Variants in NCOA1 observed in about 807,000 individuals in gnomAD.
NCOA1 encodes Hin-2 protein.
NCOA1 carries 35 observed loss-of-function variants against 150.9 expected under a neutral mutation model. The ratio of observed to expected loss-of-function variants is 0.23; its 90% CI spans 0.18 to 0.31. The LOEUF (loss-of-function observed/expected upper bound fraction) is 0.31. Among genes scored for constraint, NCOA1 ranks in the 10% least tolerant of loss-of-function variants. The pLI is 1.00. For synonymous variants in NCOA1, 590 were observed against 630.0 expected (o/e 0.94, Z 0.95); for missense variants, 1,491 against 1,749.3 (o/e 0.85, Z 2.63).
At chr2:24,639,893 A>C (rs1340219719) in intron 3 of NCOA1, among the ~76,000 whole-genome samples, 1 of 118,268 alleles carries the variant, frequency 8.5e-6, no homozygotes, top group Non-Finnish European at 1.7e-5. Flanking sequence ...GTCTCAAAAA[A>C]AAAAAAAAAA....
chr2:24,638,779 CT>C, intron 3 of NCOA1, among the ~76,000 whole-genome samples: 1 of 152,170 alleles, frequency 6.6e-6, no homozygotes, highest in East Asian at 1.9e-4. Flanking sequence ...ATTTGTATGA[CT>C]TTTGGTCATT....
intron 2 of NCOA1, 71 bp downstream of exon 2, chr2:24,564,501 T>C (rs1346797943): frequency 3.3e-5 from 5 of 152,216 alleles, no homozygotes; most frequent in African/African-American, 7.2e-5. Flanking sequence ...TTTCTAGATA[T>C]AGGTTTGGTG....
chr2:24,631,693 ATT>A (rs1054882707), intron 3 of NCOA1, among the ~76,000 whole-genome samples: 1 of 151,990 alleles, frequency 6.6e-6, no homozygotes, highest in African/African-American at 2.4e-5. Flanking sequence ...TGGAAGATGG[ATT>A]TTTTTTCCTG....
chr2:24,513,204 T>C (rs1457356264), intron 1 of NCOA1, among the ~76,000 whole-genome samples: 2 of 152,204 alleles, frequency 1.3e-5, no homozygotes, highest in East Asian at 3.8e-4. Flanking sequence ...TTTTGCCTTA[T>C]TTCAGATTTT....
At chr2:24,619,874 G>T (rs1331674803) in intron 3 of NCOA1, among the ~76,000 whole-genome samples, 5 of 151,844 alleles carry the variant, frequency 3.3e-5, no homozygotes, top group Non-Finnish European at 5.9e-5. Flanking sequence ...GGTTTTTTGG[G>T]GGTATAAAAG....
intron 1 of NCOA1, among the ~76,000 whole-genome samples, chr2:24,548,395 G>A (rs1257504199): frequency 2.6e-5 from 4 of 152,228 alleles, no homozygotes; most frequent in Admixed American, 1.3e-4. Flanking sequence ...TTCCCACAAC[G>A]TGGGAATTCA....
At chr2:24,574,758 AG>A (rs759054996) in intron 2 of NCOA1, among the ~76,000 whole-genome samples, 9 of 152,134 alleles carry the variant, frequency 5.9e-5, no homozygotes, top group Admixed American at 6.5e-5. Flanking sequence ...ATATTTTAGT[AG>A]GGTACAGAAT....
intron 10 of NCOA1, among the ~76,000 whole-genome samples, chr2:24,696,114 CA>C (rs1016334605): frequency 1.3e-5 from 2 of 152,154 alleles, no homozygotes; most frequent in African/African-American, 4.8e-5. Flanking sequence ...TCTTAAATGA[CA>C]AAATTTCCTT....
At chr2:24,515,488 C>T (rs79255350) in intron 1 of NCOA1, among the ~76,000 whole-genome samples, 9,954 of 152,252 alleles carry the variant, frequency 0.065, 364 homozygotes, top group Non-Finnish European at 0.079. Flanking sequence ...CCTCCTGCCA[C>T]GGCCTCCTAG....
intron 3 of NCOA1, among the ~76,000 whole-genome samples, chr2:24,587,083 G>A (rs1229873271): frequency 1.3e-5 from 2 of 151,636 alleles, no homozygotes; most frequent in Non-Finnish European, 2.9e-5. Context: ...CTGGCTTTGA[G>A]GCAGAGTCAG....
chr2:24,692,973 G>A (rs905593377), intron 9 of NCOA1, among the ~76,000 whole-genome samples: 5 of 152,276 alleles, frequency 3.3e-5, no homozygotes, highest in African/African-American at 9.6e-5. Flanking sequence ...CCATTCTCCT[G>A]CCTCAGCCTC....
chr2:24,587,923 T>G (rs191590315), intron 3 of NCOA1, among the ~76,000 whole-genome samples: 35 of 152,350 alleles, frequency 2.3e-4, no homozygotes, highest in African/African-American at 7.5e-4. Flanking sequence ...TGCTGATAGT[T>G]GAATGATAGC....
chr2:24,610,007 T>C (rs1668548643), intron 3 of NCOA1, among the ~76,000 whole-genome samples: 1 of 152,094 alleles, frequency 6.6e-6, no homozygotes, highest in Non-Finnish European at 1.5e-5. Flanking sequence ...GGCTTTGATT[T>C]CATTGCATTG....
intron 1 of NCOA1, among the ~76,000 whole-genome samples, chr2:24,517,006 A>T (rs78157397): frequency 4.1e-5 from 1 of 24,494 alleles, no homozygotes; most frequent in Admixed American, 6.9e-4. Context: ...ACACGCGCGC[A>T]CACACACACA....
chr2:24,629,037 T>G (rs1669556973), intron 3 of NCOA1, among the ~76,000 whole-genome samples: 1 of 151,960 alleles, frequency 6.6e-6, no homozygotes, highest in Non-Finnish European at 1.5e-5. Flanking sequence ...ATTTAAAGGG[T>G]GGTGATATCT....
intron 3 of NCOA1, among the ~76,000 whole-genome samples, chr2:24,596,102 C>T (rs978750369): frequency 1.3e-5 from 2 of 151,846 alleles, no homozygotes; most frequent in Non-Finnish European, 2.9e-5. Context: ...GTAGGTTTTA[C>T]TGGTTTTGGG....
At chr2:24,736,607 A>G (rs557247215) in intron 17 of NCOA1, among the ~76,000 whole-genome samples, 3 of 152,362 alleles carry the variant, frequency 2.0e-5, no homozygotes, top group Non-Finnish European at 2.9e-5. Context: ...AAAATGCCCA[A>G]TAGGACAATA....
At chr2:24,735,623 T>C (rs1663259015) in intron 17 of NCOA1, among the ~76,000 whole-genome samples, 2 of 152,104 alleles carry the variant, frequency 1.3e-5, no homozygotes, top group Admixed American at 6.5e-5. Context: ...GTAAAAAGAT[T>C]GTAACATTTT....
chr2:24,647,024 A>C (rs1448883451), intron 4 of NCOA1, among the ~76,000 whole-genome samples: 1 of 152,160 alleles, frequency 6.6e-6, no homozygotes, highest in Non-Finnish European at 1.5e-5. Context: ...AAGGTAAGTC[A>C]CGATTCGCTA....
Sources: gnomAD v4.1 joint callset for allele counts (sites outside exome capture counted in the v4.1 genomes callset) on GRCh38, gnomAD v4.1.1 for gene constraint, MANE v1.5 for transcripts, NCBI Gene and HGNC (gene_info 2026-07-23, HGNC 2026-07-21) for gene names.